Variants in KIF6 observed in about 807,000 individuals in gnomAD.
KIF6 encodes kinesin family member 6.
KIF6 carries 106 observed loss-of-function variants against 112.7 expected under a neutral mutation model. The ratio of observed to expected loss-of-function variants is 0.94; its 90% confidence interval spans 0.80 to 1.11. The LOEUF (loss-of-function observed/expected upper bound fraction) is 1.11. Ranked by LOEUF, KIF6 falls within the 50% of genes least tolerant of loss-of-function variation. The probability of loss-of-function intolerance (pLI) is 0.00; values close to 1 mark genes in which losing one functional copy is unlikely to be tolerated. For missense variants in KIF6, 929 were observed against 964.0 expected, an observed-to-expected ratio of 0.96 and a Z score of 0.48; for synonymous variants, 339 against 339.9, an observed-to-expected ratio of 1.00 and a Z score of 0.03.
intron 7 of KIF6, among the ~76,000 whole-genome samples, chr6:39,587,200 G>A (rs1403208918): frequency 6.6e-6 from 1 of 152,100 alleles, no homozygotes; most frequent in Non-Finnish European, 1.5e-5. Flanking sequence ...GGGTTATCCC[G>A]GGCAGACAAA....
At position 39,378,212 on chromosome 6, in the gene KIF6, T is replaced by C. The variant is rs561059444; in HGVS notation, c.1861+7410A>G. On this transcript the variant is annotated intron_variant, in intron 16 of 22. Coordinates refer to ENST00000287152, the MANE Select transcript of KIF6 (RefSeq NM_145027.6). The surrounding 1 kb of genome is among the most constrained non-coding windows in gnomAD (Gnocchi z 5.0). The stretch of plus-strand genomic sequence containing the variant: ...CACAAACACACAAACCACACACACA[T>C]ATAACATGTACAACATATCCATACC... Among the ~76,000 whole-genome samples, 1 of 151,128 alleles carries C rather than the reference T, an allele frequency of 6.6e-6. No homozygotes were observed. Among genetic ancestry groups the C allele is most frequent in the East Asian group, 2.0e-4 (1 of 5,128 alleles).
intron 13 of KIF6, among the ~76,000 whole-genome samples, chr6:39,506,381 G>C (rs773002255): frequency 6.6e-6 from 1 of 152,102 alleles, no homozygotes; most frequent in African/African-American, 2.4e-5. Context: ...AGGGGAGGGA[G>C]AGCATCATGA....
intron 3 of KIF6, among the ~76,000 whole-genome samples, chr6:39,668,324 G>A (rs975357647): frequency 6.6e-6 from 1 of 152,156 alleles, no homozygotes; most frequent in African/African-American, 2.4e-5. Context: ...AAATAATTAA[G>A]AGTGATTCCT....
In KIF6 at chr6:39,725,304, T is replaced by A; in HGVS notation, c.7A>T (p.Lys3Ter). The change falls in exon 1 of 23, where the codon AAG (lysine) becomes TAG (stop). Residue 3 changes from lysine to a stop codon, truncating the protein, a stop_gained. Transcript: ENST00000287152. LOFTEE classifies it high-confidence loss of function. The part of the protein sequence containing the change: MV[K>*]QTIQIFARVK... ...CTCGCGAATATCTGGATAGTCTGCT[T>A]CACCATCTCCTCCCTGGCTCTGCAA... 6.2e-7 allele frequency: 1 copy of A among 1,608,336 alleles called. No homozygotes were observed. Among genetic ancestry groups the A allele is most frequent in the Non-Finnish European group, 8.5e-7 (1 of 1,177,792 alleles).
At chr6:39,415,467 A>G (rs1769851539) in intron 15 of KIF6, among the ~76,000 whole-genome samples, 1 of 152,228 alleles carries the variant, frequency 6.6e-6, no homozygotes, top group African/African-American at 2.4e-5. Flanking sequence ...GAGATAACAT[A>G]GGTCAAGTTC....
At position 39,342,431 on chromosome 6, in the gene KIF6, T is replaced by C. The variant is rs1167995401; in HGVS notation, c.2428+1278A>G. Among the ~76,000 whole-genome samples, 2 of 152,156 alleles carry C rather than the reference T, an allele frequency of 1.3e-5. No homozygotes were observed. The highest frequency in any genetic ancestry group is 2.9e-5 in the Non-Finnish European group (2 of 68,030). On this transcript the variant is annotated intron_variant, in intron 22 of 22. Transcript: ENST00000287152. This position sits in a 1 kb window ranked among gnomAD's most constrained non-coding sequence, Gnocchi z 4.7. ...TTCTCACGTGCTGGGTTCTGTCTTG[T>C]TCTCTGCTGTAGCACCAGCACTAGT...
chr6:39,570,700 C>A (rs553949730), intron 10 of KIF6, among the ~76,000 whole-genome samples: 48 of 152,028 alleles, frequency 3.2e-4, no homozygotes, highest in Non-Finnish European at 6.5e-4. Flanking sequence ...TAAGTTCTCA[C>A]GAGATCTGAT....
At chr6:39,490,506 T>G (rs1775415692) in intron 13 of KIF6, among the ~76,000 whole-genome samples, 1 of 152,198 alleles carries the variant, frequency 6.6e-6, no homozygotes, top group Non-Finnish European at 1.5e-5. Flanking sequence ...GCAAATGACT[T>G]GGCTACACTA....
intron 10 of KIF6, among the ~76,000 whole-genome samples, chr6:39,547,068 T>A (rs1582104642): frequency 6.6e-6 from 1 of 152,350 alleles, no homozygotes; most frequent in African/African-American, 2.4e-5. Flanking sequence ...ACAATCAGTA[T>A]CTATGATGTT....
At chr6:39,644,475 A>T (rs954120410) in intron 3 of KIF6, among the ~76,000 whole-genome samples, 1 of 152,168 alleles carries the variant, frequency 6.6e-6, no homozygotes, top group African/African-American at 2.4e-5. Flanking sequence ...ATGGGATATT[A>T]TTTGGCAAGG....
chr6:39,435,184 T>A (rs974223109), intron 13 of KIF6, among the ~76,000 whole-genome samples: 1 of 152,170 alleles, frequency 6.6e-6, no homozygotes, highest in Non-Finnish European at 1.5e-5. Flanking sequence ...GACCTCGTAA[T>A]ATTAATAGTA....
chr6:39,627,420 A>G (rs1367937308), intron 5 of KIF6, among the ~76,000 whole-genome samples: 1 of 152,186 alleles, frequency 6.6e-6, no homozygotes, highest in Non-Finnish European at 1.5e-5. Context: ...CCAGGGAAAC[A>G]GGGACTACGT....
intron 16 of KIF6, among the ~76,000 whole-genome samples, chr6:39,384,629 A>G (rs1413242865): frequency 6.6e-6 from 1 of 152,142 alleles, no homozygotes; most frequent in East Asian, 1.9e-4. Context: ...AATACAAATT[A>G]CCAAAGTCAA....
intron 10 of KIF6, among the ~76,000 whole-genome samples, chr6:39,560,841 G>C (rs989544862): frequency 6.6e-6 from 1 of 152,092 alleles, no homozygotes; most frequent in African/African-American, 2.4e-5. Flanking sequence ...GCCTTTTTAG[G>C]GGCATTTTGC....
chr6:39,535,965 TG>T (rs1213372240), intron 13 of KIF6, among the ~76,000 whole-genome samples: 1 of 152,022 alleles, frequency 6.6e-6, no homozygotes, highest in African/African-American at 2.4e-5. Flanking sequence ...GAATGACTAC[TG>T]GGTACATAAC....
chr6:39,451,465 C>T (rs1343774115), intron 13 of KIF6, among the ~76,000 whole-genome samples: 1 of 152,114 alleles, frequency 6.6e-6, no homozygotes, highest in Non-Finnish European at 1.5e-5. Flanking sequence ...TCTAGGAAGC[C>T]AGTTTATTCA....
At chr6:39,570,220 C>T (rs887758084) in intron 10 of KIF6, among the ~76,000 whole-genome samples, 1 of 152,068 alleles carries the variant, frequency 6.6e-6, no homozygotes, top group Admixed American at 6.6e-5. Flanking sequence ...AGGACAGAAC[C>T]ACAAGAAACT....
At chr6:39,432,729 C>T (rs1771249328) in intron 13 of KIF6, among the ~76,000 whole-genome samples, 1 of 152,292 alleles carries the variant, frequency 6.6e-6, no homozygotes, top group Middle Eastern at 3.4e-3. Context: ...CAGCAGAGCC[C>T]ATTAGGAGCC....
chr6:39,623,671 T>C (rs1301449903), intron 5 of KIF6, among the ~76,000 whole-genome samples: 1 of 152,198 alleles, frequency 6.6e-6, no homozygotes, highest in Non-Finnish European at 1.5e-5. Context: ...TCATAATAAC[T>C]AACTTTCGTT....
Sources: allele counts gnomAD v4.1 joint callset (sites outside exome capture counted in the v4.1 genomes callset), GRCh38; gene constraint gnomAD v4.1.1; non-coding constraint Gnocchi (gnomAD v3.1); transcripts MANE v1.5; gene names NCBI Gene and HGNC (gene_info 2026-07-23, HGNC 2026-07-21).